TRPM3: variants seen among roughly 807,000 people sequenced by gnomAD.
The protein encoded by TRPM3 is long transient receptor potential channel 3.
TRPM3 carries 77 observed loss-of-function variants against 181.2 expected under a neutral mutation model. The observed-to-expected ratio is 0.42, with a 90% CI of 0.35 to 0.51. The LOEUF is 0.51. Ranked by LOEUF, TRPM3 falls within the 20% of genes least tolerant of loss-of-function variation. The pLI is 0.01. For missense variants in TRPM3, 1,759 were observed against 2,196.7 expected (o/e 0.80, Z 3.98); for synonymous variants, 745 against 796.4 (o/e 0.94, Z 1.09).
chr9:71,026,420 C>G (rs891242686), intron 1 of TRPM3, among the ~76,000 whole-genome samples: 1 of 152,138 alleles, frequency 6.6e-6, no homozygotes, highest in African/African-American at 2.4e-5. Flanking sequence ...GCAGAGCAGC[C>G]CCGATGAACA....
At chr9:70,566,660 C>T (rs2050676832) in intron 22 of TRPM3, among the ~76,000 whole-genome samples, 1 of 152,098 alleles carries the variant, frequency 6.6e-6, no homozygotes, top group Non-Finnish European at 1.5e-5. Context: ...TTCTATTTTC[C>T]CCACCAGATC....
At chr9:70,973,648 A>G (rs1423780307) in intron 1 of TRPM3, among the ~76,000 whole-genome samples, 2 of 152,164 alleles carry the variant, frequency 1.3e-5, no homozygotes, top group Non-Finnish European at 2.9e-5. Context: ...CAAATCAGCT[A>G]TTTACTCCAA....
intron 1 of TRPM3, among the ~76,000 whole-genome samples, chr9:70,948,204 G>A (rs1421537812): frequency 6.6e-6 from 1 of 151,550 alleles, no homozygotes; most frequent in Non-Finnish European, 1.5e-5. Flanking sequence ...TATCATCTTG[G>A]CTTATGTTTC....
rs550716724 is a variant in TRPM3, at chr9:71,319,019, T to A, written c.183+127634A>T. On this transcript the variant is annotated intron_variant, in intron 1 of 24. Coordinates refer to the TRPM3 transcript ENST00000357533. ...AAAATATTATGTAAATTATATAGTA[T>A]GTACAAAATTGTGAGATTCACCAAT... 5.0e-5 allele frequency among the ~76,000 whole-genome samples: 7 copies of A among 141,200 alleles called. 1 individual carries two copies. The highest frequency in any genetic ancestry group is 7.4e-5 in the Non-Finnish European group (5 of 67,294). 92.6% of individuals were successfully genotyped at this position (141,200 alleles called of 152,430 possible). A position where few individuals can be genotyped will look rare whatever the true frequency, so the allele number is the denominator to read the frequency against.
intron 3 of TRPM3, among the ~76,000 whole-genome samples, chr9:70,856,364 C>T (rs116011940): frequency 0.011 from 1,604 of 152,196 alleles, 19 homozygotes; most frequent in African/African-American, 0.035. Flanking sequence ...AAAACCTTAC[C>T]GTGTATGTAA....
In TRPM3 at chr9:70,842,931, A is replaced by G. The variant is rs373255526; in HGVS notation, c.801+72T>C. The G allele has an allele frequency of 5.3e-6, 8 of 1,499,306 alleles. No individual in the cohort carries two copies. In the African/African-American group the frequency reaches 7.0e-5, roughly 13 times the overall value. The allele number at this position is 1,499,306 out of a possible 1,614,324, so 92.9% of individuals were successfully genotyped here. On this transcript the variant is annotated intron_variant, in intron 5 of 25. Transcript: ENST00000677713. ...ATACTATAATGTGCACATTTTGAAT[A>G]CTAATTTTATTATACTTTTCTGATA...
intron 1 of TRPM3, among the ~76,000 whole-genome samples, chr9:71,272,303 T>C (rs929038364): frequency 1.3e-5 from 2 of 152,164 alleles, no homozygotes; most frequent in African/African-American, 2.4e-5. Flanking sequence ...TTTTAAACAA[T>C]GACAAAAACA....
At chr9:70,766,227 C>T (rs985969944) in intron 7 of TRPM3, among the ~76,000 whole-genome samples, 30 of 152,152 alleles carry the variant, frequency 2.0e-4, no homozygotes, top group African/African-American at 5.5e-4. Context: ...ACCATCAAAA[C>T]GCCCCACAGT....
At chr9:70,684,835 T>G (rs1364360283) in intron 8 of TRPM3, among the ~76,000 whole-genome samples, 2 of 152,216 alleles carry the variant, frequency 1.3e-5, no homozygotes, top group Admixed American at 6.5e-5. Flanking sequence ...TGAGTGAGGT[T>G]GGTACCTGTC....
intron 7 of TRPM3, 93 bp from the exon 8 acceptor site, chr9:70,761,817 G>C: frequency 7.0e-7 from 1 of 1,429,786 alleles, no homozygotes; most frequent in Non-Finnish European, 9.4e-7. Context: ...AATAATGAGG[G>C]TTTACTTTAG....
intron 19 of TRPM3, among the ~76,000 whole-genome samples, chr9:70,608,313 C>A (rs2061511516): frequency 6.6e-6 from 1 of 152,166 alleles, no homozygotes; most frequent in Admixed American, 6.5e-5. Context: ...CAAGAGTCTG[C>A]CTGTGTTCCA....
rs1184764623 is a variant in TRPM3 at position 70,620,434 on chromosome 9, G to A, written c.1840-69C>T. On this transcript the variant is annotated intron_variant, in intron 15 of 25. Transcript: ENST00000677713. ...TGGTTCATTTCAGCAAGTAGCAGTT[G>A]TATATCTTCTCCCAGCTAGCTCTGG... 20 of 1,495,060 alleles carry A rather than the reference G, an allele frequency of 1.3e-5. No individual in the cohort carries two copies. The East Asian group carries it at 4.1e-4, about 31-fold the overall frequency. 92.6% of individuals were successfully genotyped at this position (1,495,060 alleles called of 1,614,324 possible).
At chr9:71,268,222 A>G (rs2083523547) in intron 1 of TRPM3, among the ~76,000 whole-genome samples, 1 of 151,984 alleles carries the variant, frequency 6.6e-6, no homozygotes, top group South Asian at 2.1e-4. Context: ...CCTACTAAAA[A>G]TACAAAAGTT....
At chr9:71,331,836 GGGA>G (rs1352164604) in intron 1 of TRPM3, among the ~76,000 whole-genome samples, 9 of 29,520 alleles carry the variant, frequency 3.0e-4, no homozygotes, top group Non-Finnish European at 3.8e-4. Context: ...GAAGAGGAGA[GGGA>G]GGAGGAGGAA....
chr9:70,858,976 A>T (rs2095456895), intron 3 of TRPM3, among the ~76,000 whole-genome samples: 1 of 151,976 alleles, frequency 6.6e-6, no homozygotes, highest in Non-Finnish European at 1.5e-5. Flanking sequence ...GGGTAATGAT[A>T]AGGGAGCAGC....
At chr9:71,249,382 C>T (rs183250524) in intron 1 of TRPM3, among the ~76,000 whole-genome samples, 14 of 152,198 alleles carry the variant, frequency 9.2e-5, no homozygotes, top group African/African-American at 3.1e-4. Flanking sequence ...TTTTAAAAAT[C>T]AGAGGAAGTT....
chr9:70,700,382 T>C (rs997183269), intron 8 of TRPM3, among the ~76,000 whole-genome samples: 6 of 152,118 alleles, frequency 3.9e-5, no homozygotes, highest in African/African-American at 1.4e-4. Context: ...AGGTTGAGTA[T>C]AAGCCCAGGG....
At chr9:71,286,508 A>G (rs1202380566) in intron 1 of TRPM3, among the ~76,000 whole-genome samples, 1 of 152,182 alleles carries the variant, frequency 6.6e-6, no homozygotes, top group Non-Finnish European at 1.5e-5. Context: ...TTTGTGACCA[A>G]AGGAGTTACA....
At chr9:70,910,501 ATGATT>A (rs1188072486) in intron 1 of TRPM3, among the ~76,000 whole-genome samples, 11 of 152,168 alleles carry the variant, frequency 7.2e-5, no homozygotes, top group Admixed American at 7.2e-4. Flanking sequence ...ATTCTGTAAT[ATGATT>A]TATCTACTTT....
Sources: allele counts gnomAD v4.1 joint callset (sites outside exome capture counted in the v4.1 genomes callset), GRCh38; gene constraint gnomAD v4.1.1; transcripts MANE v1.5; gene names NCBI Gene and HGNC (gene_info 2026-07-23, HGNC 2026-07-21).